Variants in TPST2 observed in about 807,000 individuals in gnomAD.
TPST2 encodes protein-tyrosine sulfotransferase 2.
Under a neutral mutation model 27.8 loss-of-function variants are expected in TPST2, and 16 were observed. That is an observed-to-expected ratio of 0.58 (90% CI 0.39 to 0.88). The LOEUF (loss-of-function observed/expected upper bound fraction) is 0.88. TPST2 is among the 40% of genes least tolerant of loss of function. TPST2 has a pLI of 0.00. For synonymous variants in TPST2, 229 were observed against 231.7 expected (o/e 0.99, Z 0.10); for missense variants, 464 against 543.1 (o/e 0.85, Z 1.45).
At position 26,527,308 on chromosome 22, in the gene TPST2, A is replaced by G. The variant is rs76056282; in HGVS notation, c.*7+906T>C. ...CTGATCATAGAGGCTGGGGGACAGA[A>G]GGAAGTGAGCTCACTCATGCAGCCT... is the stretch of plus-strand genomic sequence containing the variant. On this transcript the variant is annotated intron_variant, in intron 6 of 6. Transcript: ENST00000338754. Among the ~76,000 whole-genome samples the G allele has an allele frequency of 9.4e-3, 1,430 of 152,310 alleles. 20 individuals are homozygous for G. The highest frequency in any genetic ancestry group is 0.033 in the African/African-American group (1,381 of 41,560).
At chr22:26,558,979 T>C (rs1926944476) in intron 1 of TPST2, among the ~76,000 whole-genome samples, 1 of 152,254 alleles carries the variant, frequency 6.6e-6, no homozygotes, top group Non-Finnish European at 1.5e-5. Flanking sequence ...AATTTTTATA[T>C]GTTGTTTTTC....
At chr22:26,535,995 GGTAAAAAT>G (rs1260333147) in intron 4 of TPST2, 1 of 505,318 alleles carries the variant, frequency 2.0e-6, no homozygotes, top group Non-Finnish European at 3.8e-6. Flanking sequence ...GGGAAATAGG[GGTAAAAAT>G]GTAAATAAAA....
At chr22:26,566,179 G>C (rs1927369347) in intron 1 of TPST2, among the ~76,000 whole-genome samples, 1 of 152,202 alleles carries the variant, frequency 6.6e-6, no homozygotes, top group Non-Finnish European at 1.5e-5. Context: ...CACGTCGGGA[G>C]GCTGAGGCAG....
chr22:26,537,949 C>T (rs1005467313), intron 3 of TPST2, among the ~76,000 whole-genome samples: 1 of 152,174 alleles, frequency 6.6e-6, no homozygotes, highest in African/African-American at 2.4e-5. Flanking sequence ...CCCCTGAAGA[C>T]AGACATTTAG....
intron 1 of TPST2, among the ~76,000 whole-genome samples, chr22:26,561,625 G>T (rs915846926): frequency 3.3e-5 from 5 of 152,168 alleles, no homozygotes; most frequent in African/African-American, 9.7e-5. Flanking sequence ...AGAAAAAAAA[G>T]ATATTGCATG....
At chr22:26,569,776 CCT>C (rs751411914) in intron 1 of TPST2, among the ~76,000 whole-genome samples, 2 of 151,622 alleles carry the variant, frequency 1.3e-5, no homozygotes, top group Non-Finnish European at 2.9e-5. Context: ...ATGGTAAAAC[CCT>C]GTTTCTACTA....
chr22:26,587,233 G>A (rs550320123), intron 1 of TPST2, among the ~76,000 whole-genome samples: 6 of 152,276 alleles, frequency 3.9e-5, no homozygotes, highest in Admixed American at 1.3e-4. Context: ...AGGCTGGCCC[G>A]GGATGGGAAG....
chr22:26,540,817 C>A lies in TPST2; in HGVS notation c.814G>T (p.Gly272Cys). ...DAVLHHEDLI[G>C]KPGGVSLSKI... ...GACAGGGAGACACCACCGGGCTTGCCAATGAGGTCTTCATGGTGGAGGACA... is the reference window on the plus strand; with the variant it reads ...GACAGGGAGACACCACCGGGCTTGCAAATGAGGTCTTCATGGTGGAGGACA... The change falls in exon 3 of 7, where the codon GGC (glycine) becomes TGC (cysteine). Residue 272 changes from glycine (G) to cysteine (C), a missense_variant. Transcript: ENST00000338754. 1 of 1,605,374 alleles carries A rather than the reference C, an allele frequency of 6.2e-7. No individual in the cohort carries two copies. Among genetic ancestry groups the A allele is most frequent in the Non-Finnish European group, 8.5e-7 (1 of 1,174,346 alleles).
At chr22:26,544,760 G>C in intron 1 of TPST2, 85 bp from the exon 2 acceptor site, 1 of 739,806 alleles carries the variant, frequency 1.4e-6, no homozygotes, top group Non-Finnish European at 1.7e-6. Flanking sequence ...GAGGGTTTAG[G>C]CTCCCAAGAG....
chr22:26,527,852 G>GC (rs1192740017), intron 6 of TPST2, among the ~76,000 whole-genome samples: 1 of 152,240 alleles, frequency 6.6e-6, no homozygotes, highest in Non-Finnish European at 1.5e-5. Flanking sequence ...CGCTGATGCT[G>GC]TTTTTAGAAG....
At chr22:26,587,180 G>A (rs762331221) in intron 1 of TPST2, among the ~76,000 whole-genome samples, 17 of 152,138 alleles carry the variant, frequency 1.1e-4, no homozygotes, top group Admixed American at 5.2e-4. Context: ...GCCATGGAGG[G>A]TCTCCCTGGC....
chr22:26,540,998 G>C lies in TPST2; in HGVS notation c.633C>G (p.Leu211=). 1.9e-6 allele frequency: 3 copies of C among 1,614,184 alleles called. No homozygotes were observed. Among genetic ancestry groups the C allele is most frequent in the Non-Finnish European group, 2.5e-6 (3 of 1,180,042 alleles). Residue 211 remains leucine (L), a synonymous_variant, in exon 3 of 7, where the codon CTC becomes CTG. Transcript: ENST00000338754. ...GFDLSSYRDC[L]TKWNKAIEVM... ...CCTCGATGGCCTTGTTCCACTTGGT[G>C]AGGCAGTCACGGTAGCTGCTGAGGT...
At chr22:26,560,606 TA>T in intron 1 of TPST2, 1 of 1,229,716 alleles carries the variant, frequency 8.1e-7, no homozygotes, top group Non-Finnish European at 1.2e-6. Flanking sequence ...GGGAGGCGCA[TA>T]AGAAGAAGCA....
chr22:26,576,770 A>G (rs1927852417), intron 1 of TPST2, among the ~76,000 whole-genome samples: 1 of 152,078 alleles, frequency 6.6e-6, no homozygotes, highest in South Asian at 2.1e-4. Context: ...AAGGAGTTCA[A>G]GACCAGCCTG....
chr22:26,582,270 T>C (rs1928144542), intron 1 of TPST2, among the ~76,000 whole-genome samples: 1 of 151,976 alleles, frequency 6.6e-6, no homozygotes, highest in Non-Finnish European at 1.5e-5. Context: ...CCACTAAAAA[T>C]ACAAAAATTA....
intron 3 of TPST2, among the ~76,000 whole-genome samples, chr22:26,537,268 A>T (rs1207974557): frequency 6.6e-6 from 1 of 152,222 alleles, no homozygotes; most frequent in African/African-American, 2.4e-5. Context: ...CCAGGGAGCC[A>T]GATTGCCTGG....
rs140202831 is a variant in TPST2, at chr22:26,550,522, G to A, written c.-160-5847C>T. The A allele has an allele frequency of 8.0e-3, 7,288 of 915,312 alleles. 30 individuals are homozygous for A. Among genetic ancestry groups the A allele is most frequent in the Non-Finnish European group, 9.0e-3 (6,874 of 765,976 alleles). 56.7% of individuals were successfully genotyped at this position (915,312 alleles called of 1,614,324 possible). A position where few individuals can be genotyped will look rare whatever the true frequency, so the allele number is the denominator to read the frequency against. ...AGGTTCCCAAGAGAAAAGCGGCAGG[G>A]GGGCAGGGAGGGGACAACAGCGGGG... On this transcript the variant is annotated intron_variant, in intron 1 of 6. Coordinates refer to ENST00000338754, the MANE Select transcript of TPST2 (RefSeq NM_003595.5).
At chr22:26,578,632 C>T (rs1466636888) in intron 1 of TPST2, among the ~76,000 whole-genome samples, 2 of 152,054 alleles carry the variant, frequency 1.3e-5, no homozygotes, top group African/African-American at 4.8e-5. Context: ...CCAGAATCTC[C>T]CATCTCTCAG....
At chr22:26,553,369 GTTTT>G (rs34711379) in intron 1 of TPST2, among the ~76,000 whole-genome samples, 1 of 143,578 alleles carries the variant, frequency 7.0e-6, no homozygotes, top group Admixed American at 7.0e-5. Context: ...ATGCCTGGCA[GTTTT>G]TTTTTTTTTT....
Sources: allele counts gnomAD v4.1 joint callset (sites outside exome capture counted in the v4.1 genomes callset), GRCh38; gene constraint gnomAD v4.1.1; transcripts MANE v1.5; gene names NCBI Gene and HGNC (gene_info 2026-07-23, HGNC 2026-07-21).